NDUFAF3: variants seen among roughly 807,000 people sequenced by gnomAD.
NDUFAF3 encodes the protein NADH dehydrogenase [ubiquinone] 1 alpha subcomplex assembly factor 3.
Under a neutral mutation model 22.6 loss-of-function variants are expected in NDUFAF3, and 21 were observed. The ratio of observed to expected loss-of-function variants is 0.93; its 90% confidence interval spans 0.66 to 1.34. The LOEUF (loss-of-function observed/expected upper bound fraction) is 1.34. Among genes scored for constraint, NDUFAF3 ranks in the 40% most tolerant of loss-of-function variants. The pLI is 0.00. For synonymous variants in NDUFAF3, 113 were observed against 104.9 expected (o/e 1.08, Z -0.47); for missense variants, 251 against 248.4 (o/e 1.01, Z -0.07).
Position 49,022,604 on chromosome 3 carries a change from C to T in NDUFAF3, c.270+66C>T. ...CACAGGCCCTCACCCTGCTTGGTCC[C>T]TGCAAACTTGGCTTTCCTCTGTCTC... On this transcript the variant is annotated intron_variant, in intron 2 of 4. Transcript: ENST00000326925. This position sits in a 1 kb window ranked among gnomAD's most constrained non-coding sequence, Gnocchi z 6.6. 2 of 1,613,380 alleles carry T rather than the reference C, an allele frequency of 1.2e-6. No homozygotes were observed. The highest frequency in any genetic ancestry group is 2.2e-5 in the East Asian group (1 of 44,878).
Position 49,022,864 on chromosome 3 carries a change from A to T in NDUFAF3, c.338-12A>T. Reference sequence around the variant, plus strand: ...ACAGAACTGTAGACTAGCCACACCCACCCTTCCCTAGAGATCGTGGTGGTG... The same window carrying T: ...ACAGAACTGTAGACTAGCCACACCCTCCCTTCCCTAGAGATCGTGGTGGTG... On this transcript the variant is annotated splice_polypyrimidine_tract_variant and intron_variant, in intron 3 of 4. Transcript: ENST00000326925. The surrounding 1 kb of genome is among the most constrained non-coding windows in gnomAD (Gnocchi z 6.6). 6.2e-7 allele frequency: 1 copy of T among 1,613,252 alleles called. No individual in the cohort carries two copies. The highest frequency in any genetic ancestry group is 8.5e-7 in the Non-Finnish European group (1 of 1,179,826).
upstream of NDUFAF3, chr3:49,021,233 G>C (rs2093153470): frequency 6.6e-6 from 1 of 152,478 alleles, no homozygotes; most frequent in African/African-American, 2.4e-5. The surrounding 1 kb of genome is among the most constrained non-coding windows in gnomAD (Gnocchi z 4.1). Flanking sequence ...CCGGCCCCGC[G>C]GGTAGCGAAA....
At chr3:49,020,804 A>T (rs1346479365), upstream of NDUFAF3, 1 of 390,298 alleles carries the variant, frequency 2.6e-6, no homozygotes, top group African/African-American at 2.1e-5. Flanking sequence ...AAGACCCGGG[A>T]GTAGGTTGTG....
chr3:49,020,971 A>G (rs1249077371), upstream of NDUFAF3: 1 of 165,924 alleles, frequency 6.0e-6, no homozygotes, highest in East Asian at 1.8e-4. Context: ...TGGTGCGGTG[A>G]CGGTGGTGGG....
At position 49,022,627 on chromosome 3, in the gene NDUFAF3, C is replaced by T. The variant is rs758048203; in HGVS notation, c.271-75C>T. 213 of 1,612,990 alleles carry T rather than the reference C, an allele frequency of 1.3e-4. No individual in the cohort carries two copies. The highest frequency in any genetic ancestry group is 1.7e-4 in the Non-Finnish European group (206 of 1,179,126). Reference sequence around the variant, plus strand: ...CCCTGCAAACTTGGCTTTCCTCTGTCTCCTCCTGCAGTGGATGGAGATGGG... The same window carrying T: ...CCCTGCAAACTTGGCTTTCCTCTGTTTCCTCCTGCAGTGGATGGAGATGGG... On this transcript the variant is annotated intron_variant, in intron 2 of 4. Transcript: ENST00000326925. The surrounding 1 kb of genome is among the most constrained non-coding windows in gnomAD (Gnocchi z 6.6).
In NDUFAF3 at chr3:49,022,638, GTGGA is replaced by G. The variant is rs2093172075; in HGVS notation, c.271-59_271-56del. Reference sequence around the variant, plus strand: ...TGGCTTTCCTCTGTCTCCTCCTGCAGTGGATGGAGATGGGGAGAGGCTGCGTGGA... The same window carrying G: ...TGGCTTTCCTCTGTCTCCTCCTGCAGTGGAGATGGGGAGAGGCTGCGTGGA... On this transcript the variant is annotated intron_variant, in intron 2 of 4. Coordinates refer to ENST00000326925, the MANE Select transcript of NDUFAF3 (RefSeq NM_199069.2). This position sits in a 1 kb window ranked among gnomAD's most constrained non-coding sequence, Gnocchi z 6.6. The G allele has an allele frequency of 2.5e-6, 4 of 1,613,214 alleles. No homozygotes were observed. The South Asian group carries it at 4.4e-5, about 18-fold the overall frequency.
Position 49,022,651 on chromosome 3 carries a change from G to T in NDUFAF3, c.271-51G>T, listed in dbSNP as rs1230868759. On this transcript the variant is annotated intron_variant, in intron 2 of 4. Transcript: ENST00000326925. This position sits in a 1 kb window ranked among gnomAD's most constrained non-coding sequence, Gnocchi z 6.6. Reference sequence around the variant, plus strand: ...TCTCCTCCTGCAGTGGATGGAGATGGGGAGAGGCTGCGTGGATTTGTCGTA... The same window carrying T: ...TCTCCTCCTGCAGTGGATGGAGATGTGGAGAGGCTGCGTGGATTTGTCGTA... 8.1e-6 allele frequency: 13 copies of T among 1,613,440 alleles called. No homozygotes were observed. The Admixed American group carries it at 1.8e-4, about 23-fold the overall frequency.
In NDUFAF3 at chr3:49,022,174, G is replaced by A. The variant is rs1322560286; in HGVS notation, c.30G>A (p.Leu10=). The change falls in exon 1 of 5, where the codon TTG becomes TTA. Residue 10 remains leucine (L), a synonymous_variant. Transcript: ENST00000326925. This position sits in a 1 kb window ranked among gnomAD's most constrained non-coding sequence, Gnocchi z 6.6. The stretch of plus-strand genomic sequence containing the variant: ...CCACCGCTCTCGCGCTACGTAGCTT[G>A]TACCGAGCGCGACCCTCGCTGCGCT... MATALALRS[L]YRARPSLRCP... 1.7e-5 allele frequency: 27 copies of A among 1,610,310 alleles called. No homozygotes were observed. The Admixed American group carries it at 4.0e-4, about 24-fold the overall frequency.
At position 49,022,255 on chromosome 3, in the gene NDUFAF3, C is replaced by A. The variant is rs759295838; in HGVS notation, c.77+34C>A. 16 of 1,609,126 alleles carry A rather than the reference C, an allele frequency of 9.9e-6. No homozygotes were observed. The highest frequency in any genetic ancestry group is 1.1e-5 in the Non-Finnish European group (13 of 1,179,272). On this transcript the variant is annotated intron_variant, in intron 1 of 4. Coordinates refer to ENST00000326925, the MANE Select transcript of NDUFAF3 (RefSeq NM_199069.2). The surrounding 1 kb of genome is among the most constrained non-coding windows in gnomAD (Gnocchi z 6.6). ...GGACCCCGCGCCCTCGACCATCCAG[C>A]CCCCTAGGGCCGGCGACTGCCAGCC...
At chr3:49,020,868 G>A (rs536096714), upstream of NDUFAF3, 137 of 295,918 alleles carry the variant, frequency 4.6e-4, no homozygotes, top group South Asian at 3.6e-3. Flanking sequence ...ACAATAGAAG[G>A]GGAGGTGGGG....
In NDUFAF3 at chr3:49,022,577, G is replaced by A; in HGVS notation, c.270+39G>A. 6.2e-7 allele frequency: 1 copy of A among 1,613,534 alleles called. No homozygotes were observed. The highest frequency in any genetic ancestry group is 8.5e-7 in the Non-Finnish European group (1 of 1,179,902). On this transcript the variant is annotated intron_variant, in intron 2 of 4. Transcript: ENST00000326925. The surrounding 1 kb of genome is among the most constrained non-coding windows in gnomAD (Gnocchi z 6.6). ...CGCAGTGTGGAAACTGAGGCCCAGA[G>A]TCACAGGCCCTCACCCTGCTTGGTC... is the stretch of plus-strand genomic sequence containing the variant.
Position 49,023,117 on chromosome 3 carries a change from T to C in NDUFAF3, c.500T>C (p.Leu167Pro), listed in dbSNP as rs2093178892. ...GAAGGCCGAGTAACTGGAGCTGCTC[T>C]CATCCCTCCACCAGGAGGGACTTCA... ...CHEGRVTGAA[L>P]IPPPGGTSLT... is the part of the protein sequence containing the mutation. Residue 167 changes from leucine (L) to proline (P), a missense_variant, in exon 5 of 5, where the codon CTC (leucine) becomes CCC (proline). By Grantham distance (98) the Leu-to-Pro change is moderately conservative. Transcript: ENST00000326925. 6.2e-7 allele frequency: 1 copy of C among 1,614,200 alleles called. No individual in the cohort carries two copies. Among genetic ancestry groups the C allele is most frequent in the East Asian group, 2.2e-5 (1 of 44,882 alleles).
rs990912487 is a variant in NDUFAF3, at chr3:49,022,652, GGA to G, written c.271-46_271-45del. On this transcript the variant is annotated intron_variant, in intron 2 of 4. Coordinates refer to ENST00000326925, the MANE Select transcript of NDUFAF3 (RefSeq NM_199069.2). This position sits in a 1 kb window ranked among gnomAD's most constrained non-coding sequence, Gnocchi z 6.6. ...CTCCTCCTGCAGTGGATGGAGATGG[GGA>G]GAGGCTGCGTGGATTTGTCGTATTA... 2 of 1,613,184 alleles carry G rather than the reference GGA, an allele frequency of 1.2e-6. No individual in the cohort carries two copies. Among genetic ancestry groups the G allele is most frequent in the Admixed American group, 1.7e-5 (1 of 59,992 alleles).
At position 49,022,828 on chromosome 3, in the gene NDUFAF3, G is replaced by A; in HGVS notation, c.338-48G>A. ...TGGGCCCCAGAAGGCGACCCCCACT[G>A]CAGCCTCTCAACAGAACTGTAGACT... On this transcript the variant is annotated intron_variant, in intron 3 of 4. Coordinates refer to ENST00000326925, the MANE Select transcript of NDUFAF3 (RefSeq NM_199069.2). The surrounding 1 kb of genome is among the most constrained non-coding windows in gnomAD (Gnocchi z 6.6). 1.9e-6 allele frequency: 3 copies of A among 1,613,284 alleles called. No homozygotes were observed. The highest frequency in any genetic ancestry group is 2.5e-6 in the Non-Finnish European group (3 of 1,179,672).
chr3:49,021,962 C>T, upstream of NDUFAF3: 1 of 643,336 alleles, frequency 1.6e-6, no homozygotes, highest in South Asian at 1.8e-5. This position sits in a 1 kb window ranked among gnomAD's most constrained non-coding sequence, Gnocchi z 4.1. Context: ...ACTGGAGCTG[C>T]GCCGGAGGTC....
In NDUFAF3 at chr3:49,022,337, C is replaced by T. The variant is rs2093167917; in HGVS notation, c.78-9C>T. On this transcript the variant is annotated splice_polypyrimidine_tract_variant and intron_variant, in intron 1 of 4. Coordinates refer to ENST00000326925, the MANE Select transcript of NDUFAF3 (RefSeq NM_199069.2). The surrounding 1 kb of genome is among the most constrained non-coding windows in gnomAD (Gnocchi z 6.6). Reference sequence around the variant, plus strand: ...CCGGCCCCGCGCCCCTGACCCTTTCCCTCCGCAGGGCCCCGCGGCGAGGGC... The same window carrying T: ...CCGGCCCCGCGCCCCTGACCCTTTCTCTCCGCAGGGCCCCGCGGCGAGGGC... 1 of 1,611,070 alleles carries T rather than the reference C, an allele frequency of 6.2e-7. No individual in the cohort carries two copies. The highest frequency in any genetic ancestry group is 8.5e-7 in the Non-Finnish European group (1 of 1,179,728).
At position 49,022,266 on chromosome 3, in the gene NDUFAF3, C is replaced by T. The variant is rs201770074; in HGVS notation, c.77+45C>T. The T allele has an allele frequency of 6.2e-7, 1 of 1,608,106 alleles. No homozygotes were observed. Among genetic ancestry groups the T allele is most frequent in the African/African-American group, 1.3e-5 (1 of 74,994 alleles). On this transcript the variant is annotated intron_variant, in intron 1 of 4. Transcript: ENST00000326925. This position sits in a 1 kb window ranked among gnomAD's most constrained non-coding sequence, Gnocchi z 6.6. The stretch of plus-strand genomic sequence containing the variant: ...CCTCGACCATCCAGCCCCCTAGGGC[C>T]GGCGACTGCCAGCCCAGCACCTTCC...
chr3:49,022,856 C>G lies in NDUFAF3; in HGVS notation c.338-20C>G. 1.2e-6 allele frequency: 2 copies of G among 1,613,734 alleles called. No homozygotes were observed. Among genetic ancestry groups the G allele is most frequent in the Admixed American group, 1.7e-5 (1 of 60,012 alleles). On this transcript the variant is annotated intron_variant, in intron 3 of 4. Transcript: ENST00000326925. This position sits in a 1 kb window ranked among gnomAD's most constrained non-coding sequence, Gnocchi z 6.6. Reference sequence around the variant, plus strand: ...GCCTCTCAACAGAACTGTAGACTAGCCACACCCACCCTTCCCTAGAGATCG... The same window carrying G: ...GCCTCTCAACAGAACTGTAGACTAGGCACACCCACCCTTCCCTAGAGATCG...
chr3:49,022,962 G>C lies in NDUFAF3; in HGVS notation c.424G>C (p.Glu142Gln). 18 of 1,614,166 alleles carry C rather than the reference G, an allele frequency of 1.1e-5. No individual in the cohort carries two copies. Among genetic ancestry groups the C allele is most frequent in the Non-Finnish European group, 1.4e-5 (16 of 1,180,042 alleles). ...CATGAGGCAGCGGGGCATTGCTGTG[G>C]AAGTGCAGGACACGGTGAGTCCCGG... is the stretch of plus-strand genomic sequence containing the variant. ...QAMRQRGIAV[E>Q]VQDTPNACAT... Residue 142 changes from glutamate to glutamine, a missense_variant, in exon 4 of 5, where the codon GAA becomes CAA. Transcript: ENST00000326925. This position sits in a 1 kb window ranked among gnomAD's most constrained non-coding sequence, Gnocchi z 6.6.
Sources: allele counts gnomAD v4.1 joint callset, GRCh38; gene constraint gnomAD v4.1.1; non-coding constraint Gnocchi (gnomAD v3.1); transcripts MANE v1.5; gene names NCBI Gene and HGNC (gene_info 2026-07-23, HGNC 2026-07-21).